HUWE1: variants seen among roughly 807,000 people sequenced by gnomAD.
HUWE1 encodes HECT, UBA and WWE domain containing E3 ubiquitin protein ligase 1, also known as E3 ubiquitin-protein ligase HUWE1.
HUWE1 carries 18 observed loss-of-function variants against 299.4 expected under a neutral mutation model. That is an observed-to-expected ratio of 0.06 (90% CI 0.04 to 0.09). The LOEUF is 0.09. Among genes scored for constraint, HUWE1 ranks in the 10% least tolerant of loss-of-function variants. The pLI is 1.00. For synonymous variants in HUWE1, 1,317 were observed against 1,286.1 expected, an observed-to-expected ratio of 1.02 and a Z score of -0.51; for missense variants, 1,832 against 3,462.3, an observed-to-expected ratio of 0.53 and a Z score of 11.82.
chrX:53,577,505 C>T (rs1379293922), intron 43 of HUWE1, among the ~76,000 whole-genome samples: 2 of 84,942 alleles, frequency 2.4e-5, no homozygotes, highest in African/African-American at 3.6e-5. Flanking sequence ...CCTCCTCTCC[C>T]TCTCCCTCTC....
At chrX:53,595,876 T>G (rs980395310) in intron 29 of HUWE1, among the ~76,000 whole-genome samples, 7 of 111,905 alleles carry the variant, frequency 6.3e-5, no homozygotes, top group African/African-American at 2.3e-4. Context: ...TTTTTACAAG[T>G]AGCTTCTTAA....
At chrX:53,674,041 T>A (rs2069688201) in intron 3 of HUWE1, among the ~76,000 whole-genome samples, 1 of 111,731 alleles carries the variant, frequency 9.0e-6, no homozygotes, top group Non-Finnish European at 1.9e-5. Flanking sequence ...AAGGCCAGAC[T>A]CTTCCTTATA....
At chrX:53,638,776 T>A (rs2067380786) in intron 7 of HUWE1, among the ~76,000 whole-genome samples, 1 of 111,907 alleles carries the variant, frequency 8.9e-6, no homozygotes, top group East Asian at 2.8e-4. Flanking sequence ...TTCTGATGCA[T>A]CCTCAAGTTT....
chrX:53,576,792 G>A (rs1285010578), intron 44 of HUWE1, 108 bp downstream of exon 44: 4 of 752,182 alleles, frequency 5.3e-6, no homozygotes, highest in Non-Finnish European at 8.2e-6. Flanking sequence ...GAGCCCCAGA[G>A]TATGGGCACA....
In HUWE1 at chrX:53,550,780, G is replaced by T. The variant is rs370016967; in HGVS notation, c.9386-12C>A. ...GCGACTGGTGAAAGCTGGAAGGAAA[G>T]AAAAAGAAAACTGAGATTGTGGAGA... On this transcript the variant is annotated splice_polypyrimidine_tract_variant and intron_variant, in intron 65 of 83. Transcript: ENST00000262854. 13 of 1,207,424 alleles carry T rather than the reference G, an allele frequency of 1.1e-5. No individual in the cohort carries two copies. Among genetic ancestry groups the T allele is most frequent in the Non-Finnish European group, 1.5e-5 (13 of 891,507 alleles).
At chrX:53,667,509 A>T (rs1479305138) in intron 3 of HUWE1, among the ~76,000 whole-genome samples, 1 of 111,968 alleles carries the variant, frequency 8.9e-6, no homozygotes, top group Non-Finnish European at 1.9e-5. Flanking sequence ...TTTTATAATA[A>T]ATGTTCAATG....
At chrX:53,618,462 A>G (rs1474085154) in intron 19 of HUWE1, among the ~76,000 whole-genome samples, 1 of 111,954 alleles carries the variant, frequency 8.9e-6, no homozygotes, top group Non-Finnish European at 1.9e-5. Flanking sequence ...TATATTCTAC[A>G]AACTATATGC....
chrX:53,550,234 C>T lies in HUWE1; in HGVS notation c.9488+432G>A, dbSNP rs2061714621. On this transcript the variant is annotated intron_variant, in intron 66 of 83. Coordinates refer to ENST00000262854, the MANE Select transcript of HUWE1 (RefSeq NM_031407.7). ...CTAGTTTCTGCCTTCTCTAGACTAC[C>T]AGGAGTTTGTGGCCTTGTAGGAACC... Among the ~76,000 whole-genome samples, 3 of 111,543 alleles carry T rather than the reference C, an allele frequency of 2.7e-5. No homozygotes were observed. The South Asian group carries it at 1.1e-3, about 42-fold the overall frequency.
chrX:53,670,186 G>A (rs1329575968), intron 3 of HUWE1, among the ~76,000 whole-genome samples: 2 of 111,654 alleles, frequency 1.8e-5, no homozygotes, highest in African/African-American at 6.5e-5. Context: ...AGCTTTCTTT[G>A]GATTTTTGCC....
intron 45 of HUWE1, 116 bp from the exon 46 acceptor site, chrX:53,575,337 C>G: frequency 5.3e-6 from 3 of 569,110 alleles, no homozygotes; most frequent in Non-Finnish European, 6.1e-6. Context: ...TTTGGCCAAC[C>G]TTTTAACCAC....
intron 47 of HUWE1, among the ~76,000 whole-genome samples, chrX:53,570,533 T>G (rs1369668950): frequency 8.9e-6 from 1 of 112,085 alleles, no homozygotes; most frequent in African/African-American, 3.2e-5. Flanking sequence ...TGTGCTACAA[T>G]AGAAGCTGGT....
At chrX:53,598,837 T>C (rs957371772) in intron 29 of HUWE1, among the ~76,000 whole-genome samples, 2 of 112,038 alleles carry the variant, frequency 1.8e-5, no homozygotes, top group African/African-American at 3.2e-5. Flanking sequence ...TGTGTAAAAA[T>C]AGGCTCTACT....
At chrX:53,670,108 C>T (rs1481383608) in intron 3 of HUWE1, among the ~76,000 whole-genome samples, 4 of 111,538 alleles carry the variant, frequency 3.6e-5, no homozygotes, top group African/African-American at 1.3e-4. Context: ...CGAACTGTTC[C>T]ATGAAAGAGC....
chrX:53,633,482 A>G (rs1557024310), intron 8 of HUWE1, among the ~76,000 whole-genome samples: 1 of 112,254 alleles, frequency 8.9e-6, no homozygotes, highest in African/African-American at 3.2e-5. Context: ...TCACTAAAGA[A>G]AAGTATGCCA....
intron 28 of HUWE1, among the ~76,000 whole-genome samples, chrX:53,600,817 G>A (rs1403539923): frequency 1.8e-5 from 2 of 112,618 alleles, no homozygotes; most frequent in African/African-American, 6.4e-5. Context: ...TATAAAACAA[G>A]TCACCAAGTT....
intron 72 of HUWE1, 69 bp from the exon 73 acceptor site, chrX:53,544,037 C>A: frequency 1.0e-6 from 1 of 975,916 alleles, no homozygotes. Context: ...TATTCTCTCT[C>A]CTATCTCCTG....
intron 19 of HUWE1, among the ~76,000 whole-genome samples, chrX:53,624,379 C>T (rs1351242809): frequency 1.8e-5 from 2 of 112,133 alleles, no homozygotes; most frequent in Admixed American, 9.4e-5. Flanking sequence ...CACCTCTAAT[C>T]CCAGCTACTC....
chrX:53,574,062 G>A, intron 46 of HUWE1, 98 bp from the exon 47 acceptor site: 1 of 710,185 alleles, frequency 1.4e-6, no homozygotes, highest in African/African-American at 2.1e-5. Flanking sequence ...TCCACTTTAA[G>A]CCACCTGTAC....
At position 53,615,758 on chromosome X, in the gene HUWE1, T is replaced by A; in HGVS notation, c.2035A>T (p.Thr679Ser). ...TCACTTTCTACCTTGATGATGGCAG[T>A]CGTTGCATCTGTTTTAAGGGTGGGC... The part of the protein sequence containing the change: ...HQPTLKTDAT[T>S]AIIKLLEEIC... The change falls in exon 22 of 84, where the codon ACT (threonine) becomes TCT (serine). Residue 679 changes from threonine to serine, a missense_variant. Thr to Ser is a moderately conservative substitution (Grantham distance 58). This residue lies in a region of HUWE1 where 658 missense variants were observed against 1,282.6 expected (regional missense o/e 0.51). Transcript: ENST00000262854. 3 of 1,206,111 alleles carry A rather than the reference T, an allele frequency of 2.5e-6. No individual in the cohort carries two copies. Among genetic ancestry groups the A allele is most frequent in the Non-Finnish European group, 2.2e-6 (2 of 890,708 alleles).
Sources: allele counts gnomAD v4.1 joint callset (sites outside exome capture counted in the v4.1 genomes callset), GRCh38; gene constraint gnomAD v4.1.1; regional missense constraint gnomAD v4.1.1; transcripts MANE v1.5; gene names NCBI Gene and HGNC (gene_info 2026-07-23, HGNC 2026-07-21).